The following CRYL1 variants were observed in gnomAD, a reference collection of about 807,000 sequenced individuals.
CRYL1 encodes the protein crystallin lambda 1, also known as lambda-crystallin homolog.
CRYL1 carries 29 observed loss-of-function variants against 36.6 expected under a neutral mutation model. That is an observed-to-expected ratio of 0.79 (90% confidence interval 0.59 to 1.08). The LOEUF (loss-of-function observed/expected upper bound fraction) is 1.08. CRYL1 is among the 50% of genes least tolerant of loss of function. CRYL1 has a pLI of 0.00. For synonymous variants in CRYL1, 152 were observed against 151.5 expected (o/e 1.00, Z -0.02); for missense variants, 411 against 407.9 (o/e 1.01, Z -0.06).
intron 3 of CRYL1, among the ~76,000 whole-genome samples, chr13:20,470,790 A>G (rs1408914240): frequency 6.6e-6 from 1 of 151,976 alleles, no homozygotes; most frequent in East Asian, 1.9e-4. Flanking sequence ...GGCGCCTGTA[A>G]TCCCAGCTAC....
intron 5 of CRYL1, among the ~76,000 whole-genome samples, chr13:20,424,410 G>A (rs529592556): frequency 8.2e-4 from 125 of 152,330 alleles, no homozygotes; most frequent in African/African-American, 3.0e-3. Context: ...GGGACTAGGA[G>A]CTGGAATAGT....
chr13:20,441,738 T>A (rs975014527), intron 3 of CRYL1, among the ~76,000 whole-genome samples: 1 of 152,230 alleles, frequency 6.6e-6, no homozygotes, highest in Non-Finnish European at 1.5e-5. Context: ...AGTTAATATC[T>A]AATATATTGA....
In CRYL1 at chr13:20,404,136, G is replaced by T. The variant is rs1181356837; in HGVS notation, c.953C>A (p.Pro318His). ...AGCTGCATTACAAGAAATTCACTGGGGCTGCACTTGACTCTTCAACTTGGC... is the reference window on the plus strand; with the variant it reads ...AGCTGCATTACAAGAAATTCACTGGTGCTGCACTTGACTCTTCAACTTGGC... ...RLAKLKSQVQ[P>H]Q The change falls in exon 8 of 8, where the codon CCC (proline) becomes CAC (histidine). Residue 318 changes from proline to histidine, a missense_variant. By Grantham distance (77) the Pro-to-His change is moderately conservative (BLOSUM62 -2). Coordinates refer to ENST00000298248, the MANE Select transcript of CRYL1 (RefSeq NM_015974.3). The T allele has an allele frequency of 4.3e-6, 7 of 1,611,622 alleles. No individual in the cohort carries two copies. In the East Asian group the frequency reaches 8.9e-5, roughly 21 times the overall value.
Position 20,435,443 on chromosome 13 carries a change from C to T in CRYL1, c.439-3147G>A, listed in dbSNP as rs2032188272. Among the ~76,000 whole-genome samples, 1 of 152,118 alleles carries T rather than the reference C, an allele frequency of 6.6e-6. No individual in the cohort carries two copies. The highest frequency in any genetic ancestry group is 2.4e-5 in the African/African-American group (1 of 41,434). ...CTCCGTGTCCACCTACGGAAGCCGC[C>T]GCAAAAGGACCTTCGAGGTCTCCCG... On this transcript the variant is annotated intron_variant, in intron 4 of 7. Transcript: ENST00000298248. The surrounding 1 kb of genome is among the most constrained non-coding windows in gnomAD (Gnocchi z 4.0).
At chr13:20,483,357 TCTCA>T (rs904990669) in intron 3 of CRYL1, among the ~76,000 whole-genome samples, 1 of 151,938 alleles carries the variant, frequency 6.6e-6, no homozygotes, top group African/African-American at 2.4e-5. Context: ...TAAGACGGAG[TCTCA>T]CTCTGTCGCG....
intron 2 of CRYL1, among the ~76,000 whole-genome samples, chr13:20,495,387 G>A (rs149346782): frequency 1.4e-3 from 218 of 152,306 alleles, no homozygotes; most frequent in African/African-American, 5.0e-3. Context: ...CTTAAAATTA[G>A]AGAAAAGGAA....
intron 6 of CRYL1, among the ~76,000 whole-genome samples, chr13:20,406,990 A>G (rs2137360165): frequency 6.7e-6 from 1 of 149,946 alleles, no homozygotes; most frequent in African/African-American, 2.4e-5. Context: ...AACCATTTGA[A>G]CCTCCCAGGA....
intron 2 of CRYL1, among the ~76,000 whole-genome samples, chr13:20,511,308 T>C (rs1279915279): frequency 7.2e-5 from 11 of 152,068 alleles, no homozygotes; most frequent in African/African-American, 2.4e-4. Flanking sequence ...CCCACACTGG[T>C]CTTGAACTCC....
At chr13:20,460,655 A>G (rs994401520) in intron 3 of CRYL1, among the ~76,000 whole-genome samples, 2 of 150,790 alleles carry the variant, frequency 1.3e-5, no homozygotes, top group Non-Finnish European at 3.0e-5. Context: ...CCTCCCAAGT[A>G]GCCGGGACTA....
intron 1 of CRYL1, among the ~76,000 whole-genome samples, chr13:20,521,742 C>G (rs570744558): frequency 2.0e-4 from 31 of 152,264 alleles, no homozygotes; most frequent in African/African-American, 5.8e-4. Context: ...TGCTTCAATT[C>G]TATCATTAAT....
chr13:20,448,461 A>AGAAT (rs1407608250), intron 3 of CRYL1, among the ~76,000 whole-genome samples: 1 of 152,228 alleles, frequency 6.6e-6, no homozygotes, highest in East Asian at 1.9e-4. Context: ...AACACAAAGC[A>AGAAT]GAATATACAC....
intron 5 of CRYL1, chr13:20,431,694 G>T: frequency 8.9e-7 from 1 of 1,120,416 alleles, no homozygotes; most frequent in Non-Finnish European, 1.1e-6. Context: ...GAAACAATTA[G>T]GTTCCTTCAG....
chr13:20,430,697 T>C (rs550916375), intron 5 of CRYL1: 137 of 985,380 alleles, frequency 1.4e-4, no homozygotes, highest in Non-Finnish European at 1.5e-4. Context: ...ACCTTTCATA[T>C]TGGAGAAAGC....
At chr13:20,426,117 G>T (rs1169487086) in intron 5 of CRYL1, among the ~76,000 whole-genome samples, 1 of 152,144 alleles carries the variant, frequency 6.6e-6, no homozygotes, top group Non-Finnish European at 1.5e-5. Flanking sequence ...TGACAAGGGA[G>T]ATCCCCTGGG....
chr13:20,471,085 G>A (rs947475849), intron 3 of CRYL1, among the ~76,000 whole-genome samples: 8 of 152,118 alleles, frequency 5.3e-5, no homozygotes, highest in African/African-American at 1.9e-4. Flanking sequence ...GGTGTCAGAA[G>A]AGTGAAATAA....
intron 3 of CRYL1, among the ~76,000 whole-genome samples, chr13:20,479,733 C>T (rs2033238099): frequency 6.6e-6 from 1 of 152,058 alleles, no homozygotes; most frequent in Non-Finnish European, 1.5e-5. Flanking sequence ...GGCATGTCTT[C>T]CTCTTTGTAG....
At chr13:20,469,961 CAA>C (rs1228154622) in intron 3 of CRYL1, among the ~76,000 whole-genome samples, 1 of 152,106 alleles carries the variant, frequency 6.6e-6, no homozygotes, top group Non-Finnish European at 1.5e-5. Flanking sequence ...GCATTCATGC[CAA>C]ATCTTAGAAG....
intron 3 of CRYL1, among the ~76,000 whole-genome samples, chr13:20,461,225 A>T (rs1168381137): frequency 1.3e-5 from 2 of 152,166 alleles, no homozygotes; most frequent in Admixed American, 1.3e-4. Flanking sequence ...TATGATGCAG[A>T]CACTGCAAAC....
chr13:20,405,297 C>G (rs911216479), intron 6 of CRYL1, among the ~76,000 whole-genome samples: 19 of 152,090 alleles, frequency 1.2e-4, no homozygotes, highest in Non-Finnish European at 2.2e-4. Context: ...TGCCAGGTCC[C>G]TCAGACCTTG....
Sources: allele counts gnomAD v4.1 joint callset (sites outside exome capture counted in the v4.1 genomes callset), GRCh38; gene constraint gnomAD v4.1.1; non-coding constraint Gnocchi (gnomAD v3.1); transcripts MANE v1.5; gene names NCBI Gene and HGNC (gene_info 2026-07-23, HGNC 2026-07-21).